Variants in KCNK16 observed in about 807,000 individuals in gnomAD.
KCNK16 encodes the protein potassium channel subfamily K member 16.
A neutral mutation model predicts 23.0 loss-of-function variants in KCNK16; 23 were observed. The ratio of observed to expected loss-of-function variants is 1.00; its 90% confidence interval spans 0.72 to 1.41. The LOEUF (loss-of-function observed/expected upper bound fraction) is 1.41, where lower values mean the gene tolerates loss of function less well. KCNK16 is among the 40% of genes most tolerant of loss of function. The pLI is 0.00. For missense variants in KCNK16, 327 were observed against 365.8 expected (o/e 0.89, Z 0.87); for synonymous variants, 145 against 153.5 (o/e 0.94, Z 0.41).
At chr6:39,314,657 A>C (rs1229431635), downstream of KCNK16, 1 of 405,230 alleles carries the variant, frequency 2.5e-6, no homozygotes, top group Non-Finnish European at 4.4e-6. Flanking sequence ...CATTTCCTGA[A>C]ATGAACAATG....
chr6:39,315,525 A>C, downstream of KCNK16: 1 of 1,210,594 alleles, frequency 8.3e-7, no homozygotes, highest in Non-Finnish European at 1.1e-6. Flanking sequence ...ACTTCTAGGC[A>C]AGGGGAGCTG....
Position 39,316,879 on chromosome 6 carries a change from G to C in KCNK16, c.564C>G (p.Pro188=). ...LGTLVILIFP[P]MVFSHVEGWS... ...AGCCCTCCACATGGCTGAAGACCAT[G>C]GGTGGGAAGATGAGAATGACCAGCG... The change falls in exon 4 of 5, where the codon CCC becomes CCG. Residue 188 remains proline, a synonymous_variant. Coordinates refer to ENST00000437525, the MANE Select transcript of KCNK16 (RefSeq NM_001135106.2). The C allele has an allele frequency of 6.2e-7, 1 of 1,614,010 alleles. No individual in the cohort carries two copies. The highest frequency in any genetic ancestry group is 8.5e-7 in the Non-Finnish European group (1 of 1,179,986).
chr6:39,322,742 A>G (rs1055126372), upstream of KCNK16: 10 of 758,816 alleles, frequency 1.3e-5, no homozygotes, highest in African/African-American at 1.6e-4. Flanking sequence ...CTGTGAGTGC[A>G]AACAGGCCGG....
downstream of KCNK16, chr6:39,315,485 G>T (rs750374319): frequency 2.7e-5 from 39 of 1,463,720 alleles, no homozygotes; most frequent in Non-Finnish European, 3.6e-5. Flanking sequence ...CACCCAAGAG[G>T]TCCTAAGCTT....
At chr6:39,314,994 G>A (rs747799749), downstream of KCNK16, 7 of 1,590,812 alleles carry the variant, frequency 4.4e-6, no homozygotes, top group Non-Finnish European at 6.0e-6. Context: ...TGAAGAGTCC[G>A]TGGGTCCTCA....
intron 4 of KCNK16, 104 bp from the exon 5 acceptor site, chr6:39,316,546 C>T (rs1051800033): frequency 7.2e-7 from 1 of 1,398,036 alleles, no homozygotes; most frequent in Non-Finnish European, 9.7e-7. Flanking sequence ...CCCTCTTCCT[C>T]ATAACAAGGA....
rs193288005 is a variant in KCNK16, at chr6:39,318,052, G to T, written c.329-100C>A. On this transcript the variant is annotated intron_variant, in intron 2 of 4. Transcript: ENST00000437525. ...TGAGGTTTGTCTGTCACCACCTCTG[G>T]GGGTGAGAAGGGGAAGCTCCCCTGT... 1.5e-3 allele frequency: 1,705 copies of T among 1,158,910 alleles called. 22 individuals carry two copies. In the African/African-American group the frequency reaches 0.024, roughly 16 times the overall value. The allele number at this position is 1,158,910 out of a possible 1,614,324, so 71.8% of individuals were successfully genotyped here.
Position 39,319,131 on chromosome 6 carries a change from G to GACCT in KCNK16, c.214-2_215dup (p.Ile73GlyfsTer65), listed in dbSNP as rs1400397080. 1 of 1,598,294 alleles carries GACCT rather than the reference G, an allele frequency of 6.3e-7. No individual in the cohort carries two copies. The highest frequency in any genetic ancestry group is 8.6e-7 in the Non-Finnish European group (1 of 1,165,862). ...CACCTTTCACCCAGGCTTCCATGAT[G>GACCT]ACCTGTAGGGGGTGGCATGGCAGGG... On this transcript the variant is annotated frameshift_variant and splice_region_variant, in exon 2 of 5. Coordinates refer to ENST00000437525, the MANE Select transcript of KCNK16 (RefSeq NM_001135106.2). LOFTEE classifies it high-confidence loss of function. The surrounding 1 kb of genome is among the most constrained non-coding windows in gnomAD (Gnocchi z 4.2).
Position 39,319,489 on chromosome 6 carries a change from C to G in KCNK16, c.214-356G>C, listed in dbSNP as rs1446870846. 1.3e-5 allele frequency among the ~76,000 whole-genome samples: 2 copies of G among 152,034 alleles called. No homozygotes were observed. Among genetic ancestry groups the G allele is most frequent in the African/African-American group, 4.8e-5 (2 of 41,402 alleles). On this transcript the variant is annotated intron_variant, in intron 1 of 4. Coordinates refer to ENST00000437525, the MANE Select transcript of KCNK16 (RefSeq NM_001135106.2). The surrounding 1 kb of genome is among the most constrained non-coding windows in gnomAD (Gnocchi z 4.2). ...GCTGCTGGTGGCCAAAAGGATGGCA[C>G]CCACATCAGCTGTTAGAACAATGGG...
downstream of KCNK16, chr6:39,315,234 C>A: frequency 6.2e-7 from 1 of 1,612,296 alleles, no homozygotes; most frequent in Non-Finnish European, 8.5e-7. Flanking sequence ...CTAAATCTCT[C>A]CTGGTCAGGG....
In KCNK16 at chr6:39,317,953, C is replaced by T; in HGVS notation, c.329-1G>A. 6.2e-7 allele frequency: 1 copy of T among 1,600,204 alleles called. No individual in the cohort carries two copies. The highest frequency in any genetic ancestry group is 8.5e-7 in the Non-Finnish European group (1 of 1,171,584). ...GTGCTGGGTGCCAGGTTCCCATATC[C>T]TGCAAGGGAAGGGGGGCGTGTGCAA... On this transcript the variant is annotated splice_acceptor_variant, in intron 2 of 4. Transcript: ENST00000437525. LOFTEE classifies it high-confidence loss of function.
At chr6:39,322,725 T>C, upstream of KCNK16, 1 of 906,152 alleles carries the variant, frequency 1.1e-6, no homozygotes, top group African/African-American at 1.7e-5. Flanking sequence ...CTGCACTAAG[T>C]GCTATGCTGT....
chr6:39,317,915 C>A lies in KCNK16; in HGVS notation c.366G>T (p.Gln122His), dbSNP rs758989727. The change falls in exon 3 of 5, where the codon CAG becomes CAT. Residue 122 changes from glutamine to histidine, a missense_variant. By Grantham distance (24) the Gln-to-His change is conservative. Coordinates refer to ENST00000437525, the MANE Select transcript of KCNK16 (RefSeq NM_001135106.2). Reference sequence around the variant, plus strand: ...ACAGGGCATAGAAGACACAGAAGACCTGACCTGCCTCTGTGCTGGGTGCCA... The same window carrying A: ...ACAGGGCATAGAAGACACAGAAGACATGACCTGCCTCTGTGCTGGGTGCCA... The part of the protein sequence containing the change: ...GNLAPSTEAG[Q>H]VFCVFYALLG... The A allele has an allele frequency of 1.8e-5, 29 of 1,612,182 alleles. No homozygotes were observed. The Middle Eastern group carries it at 6.6e-4, about 37-fold the overall frequency.
chr6:39,317,964 G>A lies in KCNK16; in HGVS notation c.329-12C>T. The A allele has an allele frequency of 1.9e-6, 3 of 1,591,736 alleles. No homozygotes were observed. The highest frequency in any genetic ancestry group is 1.7e-6 in the Non-Finnish European group (2 of 1,166,780). On this transcript the variant is annotated splice_polypyrimidine_tract_variant and intron_variant, in intron 2 of 4. Coordinates refer to ENST00000437525, the MANE Select transcript of KCNK16 (RefSeq NM_001135106.2). Reference sequence around the variant, plus strand: ...CAGGTTCCCATATCCTGCAAGGGAAGGGGGGCGTGTGCAAATATGGAGACT... The same window carrying A: ...CAGGTTCCCATATCCTGCAAGGGAAAGGGGGCGTGTGCAAATATGGAGACT...
chr6:39,322,562 G>A lies in KCNK16; in HGVS notation c.-22C>T. The A allele has an allele frequency of 6.4e-7, 1 of 1,565,258 alleles. No individual in the cohort carries two copies. ...GCATGCTGTGGCCAGGACCCTGCCA[G>A]GGCCGTGGGGCTGGCTATGGGGGAG... On this transcript the variant is annotated 5_prime_UTR_variant, in exon 1 of 5. Coordinates refer to ENST00000437525, the MANE Select transcript of KCNK16 (RefSeq NM_001135106.2).
intron 3 of KCNK16, among the ~76,000 whole-genome samples, chr6:39,317,187 G>A (rs1197823285): frequency 2.0e-5 from 3 of 152,212 alleles, no homozygotes; most frequent in African/African-American, 7.2e-5. Flanking sequence ...GACCCCTTTG[G>A]ACTTGGGGAT....
intron 1 of KCNK16, among the ~76,000 whole-genome samples, chr6:39,320,770 A>G (rs1762485653): frequency 1.3e-5 from 2 of 152,190 alleles, no homozygotes; most frequent in Non-Finnish European, 2.9e-5. Context: ...CTTGGTTAGC[A>G]GAGCGAGTTA....
Position 39,316,293 on chromosome 6 carries a change from G to A in KCNK16, c.811C>T (p.Leu271Phe), listed in dbSNP as rs1462277998. 6.2e-7 allele frequency: 1 copy of A among 1,602,386 alleles called. No individual in the cohort carries two copies. Among genetic ancestry groups the A allele is most frequent in the African/African-American group, 1.3e-5 (1 of 74,928 alleles). ...GAGGCTGCCCCATCCTTGACGCCGA[G>A]GCCCCTACTGAGCAGCCAGAGCTGG... ...CCQLWLLSRG[L>F]GVKDGAASDP... Residue 271 changes from leucine to phenylalanine, a missense_variant, in exon 5 of 5, where the codon CTC (leucine) becomes TTC (phenylalanine). Leu to Phe is a conservative substitution (Grantham distance 22). Transcript: ENST00000437525.
At chr6:39,316,653 T>G in intron 4 of KCNK16, 129 bp downstream of exon 4, 1 of 1,250,990 alleles carries the variant, frequency 8.0e-7, no homozygotes, top group Non-Finnish European at 1.1e-6. Context: ...CCAGAAATCA[T>G]TGGTTTGGCT....
Sources: allele counts gnomAD v4.1 joint callset (sites outside exome capture counted in the v4.1 genomes callset), GRCh38; gene constraint gnomAD v4.1.1; non-coding constraint Gnocchi (gnomAD v3.1); transcripts MANE v1.5; gene names NCBI Gene and HGNC (gene_info 2026-07-23, HGNC 2026-07-21).